Variants in RAB4A observed in about 807,000 individuals in gnomAD.
RAB4A encodes RAB4A, member RAS oncogene family.
A neutral mutation model predicts 34.5 loss-of-function variants in RAB4A; 20 were observed. The observed-to-expected ratio is 0.58, with a 90% CI of 0.41 to 0.84. RAB4A has a LOEUF of 0.84. Among genes scored for constraint, RAB4A ranks in the 40% least tolerant of loss-of-function variants. The probability of loss-of-function intolerance (pLI) is 0.00; values close to 1 mark genes in which losing one functional copy is unlikely to be tolerated. For missense variants in RAB4A, 228 were observed against 274.5 expected (o/e 0.83, Z 1.20); for synonymous variants, 102 against 100.0 (o/e 1.02, Z -0.12).
intron 5 of RAB4A, 120 bp from the exon 6 acceptor site, chr1:229,298,857 G>A: frequency 2.8e-6 from 2 of 713,192 alleles, no homozygotes; most frequent in Non-Finnish European, 4.9e-6. Flanking sequence ...GAAATATATG[G>A]TTTTAGGTCA....
At chr1:229,301,023 G>A (rs1657374699) in intron 6 of RAB4A, among the ~76,000 whole-genome samples, 1 of 152,184 alleles carries the variant, frequency 6.6e-6, no homozygotes, top group Non-Finnish European at 1.5e-5. Context: ...ACAGAGGGAA[G>A]CCTCATAAGC....
chr1:229,284,822 T>C (rs182274153), intron 1 of RAB4A, among the ~76,000 whole-genome samples: 1 of 152,334 alleles, frequency 6.6e-6, no homozygotes, highest in Admixed American at 6.5e-5. Flanking sequence ...CTCATTCTCT[T>C]ATTTTTTTAA....
chr1:229,292,608 A>G (rs1483357318), intron 3 of RAB4A, among the ~76,000 whole-genome samples: 1 of 152,214 alleles, frequency 6.6e-6, no homozygotes, highest in Admixed American at 6.5e-5. Flanking sequence ...GCAGAGAGGA[A>G]AAGCTTCAAG....
chr1:229,277,678 G>A (rs1000723294), intron 1 of RAB4A, among the ~76,000 whole-genome samples: 1 of 151,156 alleles, frequency 6.6e-6, no homozygotes, highest in African/African-American at 2.5e-5. Flanking sequence ...TCCTTGCAGA[G>A]GTCAATCAAC....
In RAB4A at chr1:229,305,234, A is replaced by G. The variant is rs766686154; in HGVS notation, c.*1441A>G. On this transcript the variant is annotated 3_prime_UTR_variant, in exon 8 of 8. Transcript: ENST00000366690. ...TTTATTTCAAAAAGTATCTGAAGCA[A>G]ATTCTCAGACTGAACTACTTCTTAG... 4 of 1,609,300 alleles carry G rather than the reference A, an allele frequency of 2.5e-6. No individual in the cohort carries two copies. The highest frequency in any genetic ancestry group is 1.3e-5 in the African/African-American group (1 of 74,904).
chr1:229,294,660 G>C (rs237774), intron 3 of RAB4A, among the ~76,000 whole-genome samples: 37,071 of 152,094 alleles, frequency 0.24, 5,160 homozygotes, highest in African/African-American at 0.39. Flanking sequence ...GCTAACATGG[G>C]GAAACCCCGT....
rs760909368 is a variant in RAB4A at position 229,295,851 on chromosome 1, C to T, written c.231C>T (p.Ser77=). Residue 77 remains serine, a synonymous_variant, in exon 4 of 8, where the codon TCC becomes TCT. Transcript: ENST00000366690. The stretch of plus-strand genomic sequence containing the variant: ...AAAACCAGTATAATTCTTCCAGGTC[C>T]GTGACGAGAAGTTATTACCGAGGCG... ...WDTAGQERFR[S]VTRSYYRGAA... is the part of the protein sequence containing the mutation. 1.8e-5 allele frequency: 29 copies of T among 1,613,830 alleles called. No homozygotes were observed. The highest frequency in any genetic ancestry group is 8.9e-5 in the East Asian group (4 of 44,880).
In RAB4A at chr1:229,271,331, G is replaced by C. The variant is rs949568547; in HGVS notation, c.-9G>C. On this transcript the variant is annotated 5_prime_UTR_variant, in exon 1 of 8. Coordinates refer to ENST00000366690, the MANE Select transcript of RAB4A (RefSeq NM_004578.4). ...CGGTGACCCGGCGAGAGGCGGCGCC[G>C]CTCCCAAGATGTCGCAGACGGCCAT... 16 of 1,308,236 alleles carry C rather than the reference G, an allele frequency of 1.2e-5. No individual in the cohort carries two copies. Among genetic ancestry groups the C allele is most frequent in the Non-Finnish European group, 1.5e-5 (15 of 1,029,332 alleles). The allele number at this position is 1,308,236 out of a possible 1,614,324, so 81.0% of individuals were successfully genotyped here. A position where few individuals can be genotyped will look rare whatever the true frequency, so the allele number is the denominator to read the frequency against.
chr1:229,279,248 A>G (rs1656720306), intron 1 of RAB4A, among the ~76,000 whole-genome samples: 1 of 152,244 alleles, frequency 6.6e-6, no homozygotes, highest in Non-Finnish European at 1.5e-5. Context: ...ACATTTGGAA[A>G]TCTTGAAAGC....
Position 229,305,195 on chromosome 1 carries a change from T to A in RAB4A, c.*1402T>A. ...TAGATATTTTGAGTTTTGCTTTTTT[T>A]ATGCCTTGAATATTTTATTTCAAAA... On this transcript the variant is annotated 3_prime_UTR_variant, in exon 8 of 8. Coordinates refer to ENST00000366690, the MANE Select transcript of RAB4A (RefSeq NM_004578.4). 5.0e-6 allele frequency: 8 copies of A among 1,606,334 alleles called. No individual in the cohort carries two copies. Among genetic ancestry groups the A allele is most frequent in the Non-Finnish European group, 6.8e-6 (8 of 1,177,070 alleles).
intron 1 of RAB4A, among the ~76,000 whole-genome samples, chr1:229,272,461 G>A (rs1275987811): frequency 6.6e-6 from 1 of 152,186 alleles, no homozygotes; most frequent in African/African-American, 2.4e-5. Context: ...GTCTCATGGA[G>A]CGTAGTCTAT....
rs763625568 is a variant in RAB4A at position 229,295,878 on chromosome 1, G to A, written c.258G>A (p.Ala86=). ...TGACGAGAAGTTATTACCGAGGCGCGGCCGGGGCTCTCCTCGTCTATGATA... is the reference window on the plus strand; with the variant it reads ...TGACGAGAAGTTATTACCGAGGCGCAGCCGGGGCTCTCCTCGTCTATGATA... ...RSVTRSYYRG[A]AGALLVYDIT... is the part of the protein sequence containing the mutation. The change falls in exon 4 of 8, where the codon GCG becomes GCA. Residue 86 remains alanine (A), a synonymous_variant. Coordinates refer to ENST00000366690, the MANE Select transcript of RAB4A (RefSeq NM_004578.4). 46 of 1,613,892 alleles carry A rather than the reference G, an allele frequency of 2.9e-5. No individual in the cohort carries two copies. Among genetic ancestry groups the A allele is most frequent in the East Asian group, 2.2e-4 (10 of 44,876 alleles).
At chr1:229,287,866 G>A (rs1288390348) in intron 2 of RAB4A, among the ~76,000 whole-genome samples, 1 of 152,166 alleles carries the variant, frequency 6.6e-6, no homozygotes, top group African/African-American at 2.4e-5. Context: ...TTGTTCTGCA[G>A]TTACAAAATA....
intron 3 of RAB4A, among the ~76,000 whole-genome samples, chr1:229,293,533 A>T (rs545199256): frequency 5.9e-5 from 9 of 152,204 alleles, no homozygotes; most frequent in Non-Finnish European, 1.0e-4. Flanking sequence ...AAGACCAAAT[A>T]TATATTTTTT....
chr1:229,287,408 G>A (rs1656951584), intron 2 of RAB4A, among the ~76,000 whole-genome samples: 1 of 152,178 alleles, frequency 6.6e-6, no homozygotes, highest in Non-Finnish European at 1.5e-5. Context: ...GACCCAGTGT[G>A]GCTTAGTCAC....
chr1:229,280,087 A>C (rs1656745574), intron 1 of RAB4A, among the ~76,000 whole-genome samples: 1 of 152,316 alleles, frequency 6.6e-6, no homozygotes, highest in East Asian at 1.9e-4. Flanking sequence ...ATGGTATGCT[A>C]TATATATGTC....
At chr1:229,281,426 A>G (rs891899913) in intron 1 of RAB4A, among the ~76,000 whole-genome samples, 2 of 151,974 alleles carry the variant, frequency 1.3e-5, no homozygotes, top group Non-Finnish European at 1.5e-5. Context: ...TCTGAAGTCT[A>G]TTTTATCTGA....
Position 229,271,225 on chromosome 1 carries a change from G to C in RAB4A, c.-115G>C. 1 of 1,098,500 alleles carries C rather than the reference G, an allele frequency of 9.1e-7. No individual in the cohort carries two copies. Among genetic ancestry groups the C allele is most frequent in the Non-Finnish European group, 1.2e-6 (1 of 863,240 alleles). 68.0% of individuals were successfully genotyped at this position (1,098,500 alleles called of 1,614,324 possible). The stretch of plus-strand genomic sequence containing the variant: ...AGACCGGCGGTTGCCGTGGGGACCG[G>C]TCGGGCCCCTCCCTCCTCCGGTCCC... On this transcript the variant is annotated 5_prime_UTR_variant, in exon 1 of 8. Transcript: ENST00000366690.
rs1418595393 is a variant in RAB4A, at chr1:229,305,422, T to C, written c.*1629T>C. The stretch of plus-strand genomic sequence containing the variant: ...AAATAAGATAAATGTAAAGTTGTTT[T>C]ATAAACGATCCTGTTAATTAAACCA... On this transcript the variant is annotated 3_prime_UTR_variant, in exon 8 of 8. Coordinates refer to ENST00000366690, the MANE Select transcript of RAB4A (RefSeq NM_004578.4). 18 of 856,172 alleles carry C rather than the reference T, an allele frequency of 2.1e-5. No individual in the cohort carries two copies. Among genetic ancestry groups the C allele is most frequent in the Non-Finnish European group, 1.7e-6 (1 of 590,004 alleles). The allele number at this position is 856,172 out of a possible 1,614,324, so 53.0% of individuals were successfully genotyped here. A position where few individuals can be genotyped will look rare whatever the true frequency, so the allele number is the denominator to read the frequency against.
Sources: gnomAD v4.1 joint callset for allele counts (sites outside exome capture counted in the v4.1 genomes callset) on GRCh38, gnomAD v4.1.1 for gene constraint, MANE v1.5 for transcripts, NCBI Gene and HGNC (gene_info 2026-07-23, HGNC 2026-07-21) for gene names.